The following RTL4 variants were observed in gnomAD, a reference collection of about 807,000 sequenced individuals.
RTL4 encodes retrotransposon Gag-like protein 4.
A neutral mutation model predicts 5.3 loss-of-function variants in RTL4; 4 were observed. The ratio of observed to expected loss-of-function variants is 0.75; its 90% CI spans 0.37 to 1.72. The LOEUF (loss-of-function observed/expected upper bound fraction) is 1.72. Ranked by LOEUF, RTL4 falls within the 40% of genes most tolerant of loss-of-function variation. RTL4 has a pLI of 0.04. For synonymous variants in RTL4, 98 were observed against 87.3 expected, an observed-to-expected ratio of 1.12 and a Z score of -0.68; for missense variants, 260 against 227.1, an observed-to-expected ratio of 1.14 and a Z score of -0.93.
the RTL4 span, among the ~76,000 whole-genome samples, chrX:112,341,944 C>T: frequency 1.8e-5 from 2 of 111,610 alleles, no homozygotes; most frequent in African/African-American, 3.3e-5. Flanking sequence ...CACTATAGTA[C>T]ACGGTGCCAG....
upstream of RTL4, among the ~76,000 whole-genome samples, chrX:112,453,182 T>C (rs1042924796): frequency 1.8e-5 from 2 of 111,652 alleles, no homozygotes; most frequent in Non-Finnish European, 3.8e-5. Flanking sequence ...AATTTTTTCA[T>C]AGGTCTAGAG....
the RTL4 span, among the ~76,000 whole-genome samples, chrX:112,287,938 T>A: frequency 2.5e-3 from 278 of 111,941 alleles, no homozygotes; most frequent in African/African-American, 8.6e-3. Flanking sequence ...AGAGAGTCAG[T>A]CATCAGATGA....
the RTL4 span, among the ~76,000 whole-genome samples, chrX:112,374,983 A>C: frequency 0.02 from 2,222 of 111,823 alleles, 47 homozygotes; most frequent in African/African-American, 0.066. Context: ...ACCCAGTTAT[A>C]ATTTAAATTT....
the RTL4 span, among the ~76,000 whole-genome samples, chrX:112,311,572 C>T: frequency 9.0e-6 from 1 of 111,006 alleles, no homozygotes; most frequent in Non-Finnish European, 1.9e-5. Context: ...TTTTCCCTCC[C>T]TCCTCCCCTG....
At chrX:112,375,485 G>T in the RTL4 span, among the ~76,000 whole-genome samples, 2 of 111,420 alleles carry the variant, frequency 1.8e-5, no homozygotes, top group African/African-American at 6.5e-5. Context: ...GTATAATGGG[G>T]GGAGCCAGGT....
chrX:112,390,215 G>A, the RTL4 span, among the ~76,000 whole-genome samples: 1 of 86,221 alleles, frequency 1.2e-5, no homozygotes, highest in Non-Finnish European at 2.2e-5. Context: ...CAATTTGGGA[G>A]GCTGAGGGAA....
chrX:112,115,467 G>A, the RTL4 span, among the ~76,000 whole-genome samples: 13 of 111,639 alleles, frequency 1.2e-4, no homozygotes, highest in Admixed American at 1.1e-3. Flanking sequence ...ATACCCTGAG[G>A]GAAGGAAGGG....
At chrX:112,293,034 A>C in the RTL4 span, among the ~76,000 whole-genome samples, 1 of 111,955 alleles carries the variant, frequency 8.9e-6, no homozygotes, top group East Asian at 2.8e-4. Flanking sequence ...AGCAACACAG[A>C]CAGCCTATGG....
At chrX:112,249,255 T>C in the RTL4 span, among the ~76,000 whole-genome samples, 1 of 112,228 alleles carries the variant, frequency 8.9e-6, no homozygotes, top group African/African-American at 3.2e-5. Context: ...TATACTGATG[T>C]AAATTAATAC....
At chrX:112,257,023 C>T in the RTL4 span, among the ~76,000 whole-genome samples, 2 of 111,260 alleles carry the variant, frequency 1.8e-5, no homozygotes, top group Admixed American at 1.9e-4. Context: ...GTCAGATTTT[C>T]AAAAAGAGTA....
chrX:112,263,379 C>T, the RTL4 span, among the ~76,000 whole-genome samples: 1 of 109,794 alleles, frequency 9.1e-6, no homozygotes, highest in Non-Finnish European at 1.9e-5. Context: ...AGAAAATGAG[C>T]AAAGATAAAG....
chrX:112,309,725 C>G, the RTL4 span, among the ~76,000 whole-genome samples: 1 of 108,875 alleles, frequency 9.2e-6, no homozygotes, highest in Admixed American at 1.0e-4. Context: ...AAGCGATTCA[C>G]CTGCTTCGGC....
At chrX:112,305,226 C>T in the RTL4 span, among the ~76,000 whole-genome samples, 4 of 107,656 alleles carry the variant, frequency 3.7e-5, no homozygotes, top group African/African-American at 6.8e-5. Flanking sequence ...GGCTCGATCT[C>T]GGCTCACTGC....
At chrX:112,245,156 T>C in the RTL4 span, among the ~76,000 whole-genome samples, 1,168 of 111,133 alleles carry the variant, frequency 0.011, 20 homozygotes, top group African/African-American at 0.035. Flanking sequence ...CCTTGGTGAA[T>C]CTGACAATTA....
chrX:112,448,208 T>C, the RTL4 span, among the ~76,000 whole-genome samples: 4 of 112,259 alleles, frequency 3.6e-5, no homozygotes, highest in Non-Finnish European at 7.5e-5. Flanking sequence ...GCTGATTATA[T>C]GACAATTTGG....
chrX:112,315,182 C>G, the RTL4 span, among the ~76,000 whole-genome samples: 1 of 111,661 alleles, frequency 9.0e-6, no homozygotes, highest in Non-Finnish European at 1.9e-5. Context: ...GCAGCTCTCC[C>G]TCCAGGAGCC....
At chrX:112,086,687 C>T in the RTL4 span, among the ~76,000 whole-genome samples, 1 of 111,958 alleles carries the variant, frequency 8.9e-6, no homozygotes, top group Non-Finnish European at 1.9e-5. Context: ...TAGCCCAATA[C>T]CACGTATATA....
chrX:112,243,794 G>T, the RTL4 span, among the ~76,000 whole-genome samples: 1 of 111,572 alleles, frequency 9.0e-6, no homozygotes, highest in African/African-American at 3.3e-5. Flanking sequence ...ATGTTAGGGT[G>T]TCCATTTTAG....
chrX:112,311,007 T>C, the RTL4 span, among the ~76,000 whole-genome samples: 1 of 105,783 alleles, frequency 9.5e-6, no homozygotes, highest in Non-Finnish European at 1.9e-5. Flanking sequence ...TTTCATTCTC[T>C]TCTGCAAAGG....
Sources: allele counts gnomAD v4.1 joint callset (sites outside exome capture counted in the v4.1 genomes callset), GRCh38; gene constraint gnomAD v4.1.1; transcripts MANE v1.5; gene names NCBI Gene and HGNC (gene_info 2026-07-23, HGNC 2026-07-21).